CHD1: variants seen among roughly 807,000 people sequenced by gnomAD.
CHD1 encodes chromodomain helicase DNA binding protein 1.
A neutral mutation model predicts 224.2 loss-of-function variants in CHD1; 36 were observed. The ratio of observed to expected loss-of-function variants is 0.16; its 90% CI spans 0.12 to 0.21. CHD1 has a LOEUF of 0.21. Ranked by LOEUF, CHD1 falls within the 10% of genes least tolerant of loss-of-function variation. CHD1 has a pLI of 1.00. For missense variants in CHD1, 1,378 were observed against 1,994.8 expected, an observed-to-expected ratio of 0.69 and a Z score of 5.89; for synonymous variants, 668 against 658.3, an observed-to-expected ratio of 1.01 and a Z score of -0.23.
In CHD1 at chr5:98,860,017, T is replaced by C. The variant is rs920093769; in HGVS notation, c.4479A>G (p.Leu1493=). 1 of 1,566,732 alleles carries C rather than the reference T, an allele frequency of 6.4e-7. No individual in the cohort carries two copies. Among genetic ancestry groups the C allele is most frequent in the African/African-American group, 1.4e-5 (1 of 72,564 alleles). The change falls in exon 33 of 36, where the codon TTA becomes TTG. Residue 1493 remains leucine, a synonymous_variant. Coordinates refer to ENST00000614616, the MANE Select transcript of CHD1 (RefSeq NM_001270.4). ...TAATAGCATGCTTATATAATTTATG[T>C]AATTTTCTTGCATCAAATTCAGTAA... is the stretch of plus-strand genomic sequence containing the variant. ...SKFTEFDARK[L]HKLYKHAIKK...
chr5:98,922,654 A>T (rs1468003842), intron 2 of CHD1, among the ~76,000 whole-genome samples: 1 of 152,246 alleles, frequency 6.6e-6, no homozygotes, highest in Non-Finnish European at 1.5e-5. Flanking sequence ...AGCTACTTAC[A>T]ATGAATATCA....
chr5:98,879,403 TCTC>T (rs896750437), intron 23 of CHD1, 146 bp downstream of exon 23: 5 of 566,746 alleles, frequency 8.8e-6, no homozygotes, highest in African/African-American at 7.9e-5. Flanking sequence ...AAGAAACACT[TCTC>T]AACTCATTTC....
Position 98,928,917 on chromosome 5 carries a change from AGCC to A in CHD1, c.-530_-528del, listed in dbSNP as rs1172668401. The A allele has an allele frequency of 2.7e-5, 4 of 150,648 alleles. No individual in the cohort carries two copies. Among genetic ancestry groups the A allele is most frequent in the East Asian group, 2.0e-4 (1 of 5,026 alleles). 9.3% of individuals were successfully genotyped at this position (150,648 alleles called of 1,614,324 possible). On this transcript the variant is annotated 5_prime_UTR_variant, in exon 1 of 36. Coordinates refer to ENST00000614616, the MANE Select transcript of CHD1 (RefSeq NM_001270.4). ...AAGCGAGCGCAACCGTCTCCGTCGT[AGCC>A]GCCGCCGCCACCGAGGTCGCCGTCG...
chr5:98,905,593 C>T (rs922471556), intron 2 of CHD1, among the ~76,000 whole-genome samples: 9 of 152,166 alleles, frequency 5.9e-5, no homozygotes, highest in Admixed American at 4.6e-4. Context: ...GTTTCCATCT[C>T]TATCACTCCA....
chr5:98,917,299 C>CA lies in CHD1; in HGVS notation c.53+9034dup, dbSNP rs70984334. ...GCCCATCCCTCCAAAAACAAAGAAA[C>CA]AAAAAAAAAAAACAACCTCTTAATT... On this transcript the variant is annotated intron_variant, in intron 2 of 35. Transcript: ENST00000614616. Among the ~76,000 whole-genome samples the CA allele has an allele frequency of 1.3e-3, 155 of 119,776 alleles. 2 individuals are homozygous for CA. The highest frequency in any genetic ancestry group is 5.7e-3 in the East Asian group (25 of 4,424). The allele number at this position is 119,776 out of a possible 152,430, so 78.6% of individuals were successfully genotyped here. A position where few individuals can be genotyped will look rare whatever the true frequency, so the allele number is the denominator to read the frequency against.
At chr5:98,894,800 G>T in intron 12 of CHD1, 114 bp from the exon 13 acceptor site, 4 of 478,022 alleles carry the variant, frequency 8.4e-6, no homozygotes, top group East Asian at 4.1e-5. Flanking sequence ...ATTAATATAT[G>T]TTTATGTAAT....
At chr5:98,917,030 A>G (rs1752776322) in intron 2 of CHD1, among the ~76,000 whole-genome samples, 1 of 152,148 alleles carries the variant, frequency 6.6e-6, no homozygotes, top group Non-Finnish European at 1.5e-5. Context: ...TAAAAACAAA[A>G]AGACTCCTTG....
intron 12 of CHD1, 111 bp downstream of exon 12, chr5:98,896,115 A>G: frequency 1.2e-6 from 1 of 853,420 alleles, no homozygotes; most frequent in Admixed American, 2.1e-5. Flanking sequence ...AGATCATACC[A>G]CTGCACTCCA....
intron 28 of CHD1, 115 bp downstream of exon 28, chr5:98,871,936 C>G (rs1212479199): frequency 1.1e-6 from 1 of 872,750 alleles, no homozygotes; most frequent in Non-Finnish European, 1.7e-6. Flanking sequence ...GGTCACACAA[C>G]CAGCTAGTGC....
At chr5:98,866,722 T>G (rs1748899512) in intron 31 of CHD1, among the ~76,000 whole-genome samples, 1 of 152,286 alleles carries the variant, frequency 6.6e-6, no homozygotes, top group Non-Finnish European at 1.5e-5. Context: ...TTGTGTATAT[T>G]GTAACTATAT....
At position 98,873,635 on chromosome 5, in the gene CHD1, T is replaced by C. The variant is rs1323901761; in HGVS notation, c.3529A>G (p.Ile1177Val). 1.2e-6 allele frequency: 2 copies of C among 1,609,658 alleles called. No homozygotes were observed. Among genetic ancestry groups the C allele is most frequent in the African/African-American group, 1.3e-5 (1 of 74,834 alleles). ...GAAGAACTATCCTTTAATGCTTTAA[T>C]GCAACCATTATGTACCAATTCTCCC... ...RLGELVHNGC[I>V]KALKDSSSGT... The change falls in exon 26 of 36, where the codon ATT (isoleucine) becomes GTT (valine). Residue 1177 changes from isoleucine (I) to valine (V), a missense_variant. Around this residue, in one of 16 missense-constraint regions of CHD1, gnomAD observed 286 missense variants for 445.1 expected, o/e 0.64. Coordinates refer to ENST00000614616, the MANE Select transcript of CHD1 (RefSeq NM_001270.4).
chr5:98,868,952 T>A, intron 30 of CHD1: 1 of 737,050 alleles, frequency 1.4e-6, no homozygotes, highest in Non-Finnish European at 1.7e-6. Context: ...CAATTTAGTC[T>A]CCTAAAATGT....
At chr5:98,880,147 G>C (rs1419279047) in intron 22 of CHD1, among the ~76,000 whole-genome samples, 1 of 152,162 alleles carries the variant, frequency 6.6e-6, no homozygotes, top group Non-Finnish European at 1.5e-5. Context: ...CAGAGACATA[G>C]AGCTCTTTGA....
intron 20 of CHD1, 38 bp from the exon 21 acceptor site, chr5:98,881,413 T>A: frequency 1.0e-6 from 1 of 1,004,514 alleles, no homozygotes; most frequent in Non-Finnish European, 1.5e-6. Context: ...ACATTAACAG[T>A]TAAAAATATA....
intron 2 of CHD1, among the ~76,000 whole-genome samples, chr5:98,905,643 T>A (rs1368210090): frequency 6.6e-6 from 1 of 152,200 alleles, no homozygotes; most frequent in Non-Finnish European, 1.5e-5. Flanking sequence ...TGATAAAATA[T>A]AATTTATTTT....
intron 16 of CHD1, among the ~76,000 whole-genome samples, chr5:98,888,811 T>C (rs1402669916): frequency 1.3e-5 from 2 of 152,198 alleles, no homozygotes; most frequent in Non-Finnish European, 2.9e-5. Flanking sequence ...ATTATGAACA[T>C]ACTGTGGGAT....
intron 12 of CHD1, 138 bp downstream of exon 12, chr5:98,896,088 C>G: frequency 1.5e-6 from 1 of 664,894 alleles, no homozygotes. Flanking sequence ...TCCTGTGGTC[C>G]CAGTTGCAGT....
chr5:98,863,647 C>T, intron 31 of CHD1, 61 bp from the exon 32 acceptor site: 3 of 1,106,548 alleles, frequency 2.7e-6, no homozygotes, highest in South Asian at 1.4e-5. Flanking sequence ...TCAACAAGGT[C>T]TACCTCCTTC....
chr5:98,920,682 A>G (rs1753031529), intron 2 of CHD1, among the ~76,000 whole-genome samples: 1 of 152,038 alleles, frequency 6.6e-6, no homozygotes, highest in African/African-American at 2.4e-5. Flanking sequence ...CTGTAGTCCC[A>G]GTCACTCGGG....
Sources: allele counts gnomAD v4.1 joint callset (sites outside exome capture counted in the v4.1 genomes callset), GRCh38; gene constraint gnomAD v4.1.1; regional missense constraint gnomAD v4.1.1; transcripts MANE v1.5; gene names NCBI Gene and HGNC (gene_info 2026-07-23, HGNC 2026-07-21).